DNAH1: variants seen among roughly 807,000 people sequenced by gnomAD.
DNAH1 encodes the protein axonemal beta dynein heavy chain 1.
In DNAH1, 327 loss-of-function variants were observed where a neutral mutation model predicts 484.3. The ratio of observed to expected loss-of-function variants is 0.68; its 90% CI spans 0.62 to 0.74. The LOEUF (loss-of-function observed/expected upper bound fraction) is 0.74, where lower values mean the gene tolerates loss of function less well. Ranked by LOEUF, DNAH1 falls within the 30% of genes least tolerant of loss-of-function variation. DNAH1 has a pLI of 0.00. For missense variants in DNAH1, 5,052 were observed against 5,546.8 expected (o/e 0.91, Z 2.83); for synonymous variants, 2,192 against 2,191.9 (o/e 1.00, Z 0.00).
rs1704719782 is a variant in DNAH1, at chr3:52,398,080, A to G, written c.12007A>G (p.Ile4003Val). 2 of 1,613,966 alleles carry G rather than the reference A, an allele frequency of 1.2e-6. No individual in the cohort carries two copies. The highest frequency in any genetic ancestry group is 8.5e-7 in the Non-Finnish European group (1 of 1,179,888). ...CATTCTGCTCAAGGTGCCTGAGCCTATCAACTTGCAATGGGTGATGGCCAA... is the reference window on the plus strand; with the variant it reads ...CATTCTGCTCAAGGTGCCTGAGCCTGTCAACTTGCAATGGGTGATGGCCAA... ...QNILLKVPEPINLQWVMAKYP... is the reference protein window; with the variant it reads ...QNILLKVPEPVNLQWVMAKYP... Residue 4003 changes from isoleucine to valine, a missense_variant, in exon 75 of 78, where the codon ATC (isoleucine) becomes GTC (valine). By Grantham distance (29) the Ile-to-Val change is conservative. Transcript: ENST00000420323.
rs1451526345 is a variant in DNAH1, at chr3:52,360,037, A to C, written c.4529A>C (p.Asn1510Thr). ...GTGGTGAGCAAGCTAATCCAGGAGA[A>C]CGTGGTCAGCGTGAATGACTTCCAG... is the stretch of plus-strand genomic sequence containing the variant. ...KDVVSKLIQE[N>T]VVSVNDFQWI... is the part of the protein sequence containing the mutation. The change falls in exon 27 of 78, where the codon AAC becomes ACC. Residue 1510 changes from asparagine to threonine, a missense_variant. Physicochemically the swap from Asn to Thr is moderately conservative, Grantham distance 65. Coordinates refer to ENST00000420323, the MANE Select transcript of DNAH1 (RefSeq NM_015512.5). The C allele has an allele frequency of 5.0e-6, 8 of 1,613,916 alleles. No individual in the cohort carries two copies. The highest frequency in any genetic ancestry group is 6.8e-6 in the Non-Finnish European group (8 of 1,179,876).
chr3:52,367,734 C>T (rs565420745), intron 36 of DNAH1, among the ~76,000 whole-genome samples: 13 of 152,210 alleles, frequency 8.5e-5, no homozygotes, highest in Admixed American at 4.6e-4. Context: ...CCACCATGCC[C>T]GGCTAATTTT....
At position 52,353,449 on chromosome 3, in the gene DNAH1, AG is replaced by A. The variant is rs1346020090; in HGVS notation, c.3300del (p.Leu1101CysfsTer28). 6.2e-7 allele frequency: 1 copy of A among 1,613,930 alleles called. No homozygotes were observed. Among genetic ancestry groups the A allele is most frequent in the East Asian group, 2.2e-5 (1 of 44,890 alleles). The stretch of plus-strand genomic sequence containing the variant: ...TTCAAACCATACATCCCACTGATCC[AG>A]GGGCTGCGCAACCCTGGCATGCGGA... ...EEFKPYIPLI[Q>X]GLRNPGMRIR... On this transcript the variant is annotated frameshift_variant, in exon 20 of 78. Transcript: ENST00000420323. LOFTEE classifies it high-confidence loss of function. This position sits in a 1 kb window ranked among gnomAD's most constrained non-coding sequence, Gnocchi z 5.0.
Position 52,328,115 on chromosome 3 carries a change from AG to A in DNAH1, c.871+105del, listed in dbSNP as rs1285881081. The A allele has an allele frequency of 5.4e-6, 8 of 1,495,186 alleles. No individual in the cohort carries two copies. In the African/African-American group the frequency reaches 6.9e-5, roughly 13 times the overall value. 92.6% of individuals were successfully genotyped at this position (1,495,186 alleles called of 1,614,324 possible). Reference sequence around the variant, plus strand: ...TGGGACCTGGCAGCCACCGGAGGCGAGGGGTCTTTCAAGACCTCTCAGCTGG... The same window carrying A: ...TGGGACCTGGCAGCCACCGGAGGCGAGGGTCTTTCAAGACCTCTCAGCTGG... On this transcript the variant is annotated intron_variant, in intron 6 of 77. Transcript: ENST00000420323.
chr3:52,372,198 A>T (rs1703373554), intron 42 of DNAH1, 29 bp from the exon 43 acceptor site: 1 of 1,612,858 alleles, frequency 6.2e-7, no homozygotes, highest in African/African-American at 1.3e-5. Flanking sequence ...GGCCCACCGC[A>T]TGCTCCTGTG....
intron 36 of DNAH1, among the ~76,000 whole-genome samples, chr3:52,367,200 G>A (rs959767461): frequency 6.6e-5 from 10 of 152,208 alleles, no homozygotes; most frequent in South Asian, 2.1e-4. Flanking sequence ...GGCCCTCTCC[G>A]GGCCCCTGCT....
At position 52,316,324 on chromosome 3, in the gene DNAH1, G is replaced by T. The variant is rs914606817; in HGVS notation, c.-256G>T. ...GGTGCCTCTCTACAGGCCAAGGGGGGTACCCAACCTATACGCAGACCCATT... is the reference window on the plus strand; with the variant it reads ...GGTGCCTCTCTACAGGCCAAGGGGGTTACCCAACCTATACGCAGACCCATT... On this transcript the variant is annotated 5_prime_UTR_variant, in exon 1 of 78. Transcript: ENST00000420323. 2.6e-5 allele frequency: 4 copies of T among 152,336 alleles called. No individual in the cohort carries two copies. The highest frequency in any genetic ancestry group is 4.4e-5 in the Non-Finnish European group (3 of 68,150). 9.4% of individuals were successfully genotyped at this position (152,336 alleles called of 1,614,324 possible). A position where few individuals can be genotyped will look rare whatever the true frequency, so the allele number is the denominator to read the frequency against.
chr3:52,394,179 G>A (rs1233011101), intron 66 of DNAH1, among the ~76,000 whole-genome samples: 1 of 152,274 alleles, frequency 6.6e-6, no homozygotes, highest in Non-Finnish European at 1.5e-5. Flanking sequence ...CCCTAACTGC[G>A]TGCCTGGCAC....
rs373203216 is a variant in DNAH1 at position 52,323,848 on chromosome 3, G to A, written c.374G>A (p.Arg125Gln). 2.1e-5 allele frequency: 33 copies of A among 1,584,760 alleles called. No homozygotes were observed. In the African/African-American group the frequency reaches 3.0e-4, roughly 14 times the overall value. ...CCCCGAATGAGCCAGAACCTCCTGC[G>A]GCAGGCTGACCTTGACAAGTTCACC... ...RGPRMSQNLL[R>Q]QADLDKFTPR... The change falls in exon 3 of 78, where the codon CGG (arginine) becomes CAG (glutamine). Residue 125 changes from arginine (R) to glutamine (Q), a missense_variant. Coordinates refer to ENST00000420323, the MANE Select transcript of DNAH1 (RefSeq NM_015512.5).
intron 3 of DNAH1, among the ~76,000 whole-genome samples, chr3:52,325,886 A>G (rs1310750844): frequency 6.6e-6 from 1 of 152,150 alleles, no homozygotes; most frequent in African/African-American, 2.4e-5. Flanking sequence ...GGAGTGGTCA[A>G]GCATGCTGGC....
chr3:52,393,539 G>A, intron 66 of DNAH1, 54 bp downstream of exon 66: 1 of 1,603,482 alleles, frequency 6.2e-7, no homozygotes, highest in Middle Eastern at 1.7e-4. Flanking sequence ...CTGTGGCAGG[G>A]CCTGAGAACA....
At chr3:52,373,757 G>A in intron 44 of DNAH1, 2 of 1,406,178 alleles carry the variant, frequency 1.4e-6, no homozygotes, top group Non-Finnish European at 2.0e-6. Flanking sequence ...TAAAGTAGAA[G>A]GAATTAAAAC....
At chr3:52,378,508 G>T in intron 46 of DNAH1, 94 bp from the exon 47 acceptor site, 5 of 1,354,344 alleles carry the variant, frequency 3.7e-6, no homozygotes, top group South Asian at 1.3e-5. Flanking sequence ...CTTGGTGGGG[G>T]GCACAGCACA....
chr3:52,391,771 GCTC>G (rs1440819999), intron 63 of DNAH1, among the ~76,000 whole-genome samples, 168 bp downstream of exon 63: 4 of 152,164 alleles, frequency 2.6e-5, no homozygotes, highest in Non-Finnish European at 4.4e-5. Context: ...ACTTCCACCA[GCTC>G]CTCCTACCCA....
At position 52,347,861 on chromosome 3, in the gene DNAH1, C is replaced by T; in HGVS notation, c.1993C>T (p.Leu665=). The T allele has an allele frequency of 1.2e-6, 2 of 1,602,798 alleles. No homozygotes were observed. The highest frequency in any genetic ancestry group is 1.7e-6 in the Non-Finnish European group (2 of 1,174,516). ...KNPLFIMDLV[L]DSSGVHYSTP... ...TCCCCTGTTCATCATGGACCTGGTG[C>T]TGGACAGCTCTGGGGTGCACTATAG... The change falls in exon 12 of 78, where the codon CTG becomes TTG. Residue 665 remains leucine (L), a synonymous_variant. Transcript: ENST00000420323.
At chr3:52,341,169 G>A in intron 8 of DNAH1, among the ~76,000 whole-genome samples, 1 of 152,180 alleles carries the variant, frequency 6.6e-6, no homozygotes, top group Non-Finnish European at 1.5e-5. Flanking sequence ...TGTACCTGTA[G>A]CAGGAAAACC....
At chr3:52,319,002 C>G (rs1295265513) in intron 1 of DNAH1, among the ~76,000 whole-genome samples, 1 of 152,204 alleles carries the variant, frequency 6.6e-6, no homozygotes, top group Non-Finnish European at 1.5e-5. Context: ...AATCTCAGCA[C>G]CCGGTTGGAG....
In DNAH1 at chr3:52,392,483, C is replaced by G; in HGVS notation, c.10072C>G (p.Leu3358Val). ...LSPSGLEDQL[L>V]GQVVAEERPD... ...CGGCAGTGGCCTAGAGGACCAGCTA[C>G]TGGGCCAGGTAGTGGCAGAGGAGCG... Residue 3358 changes from leucine to valine, a missense_variant, in exon 64 of 78, where the codon CTG (leucine) becomes GTG (valine). This residue lies in a region of DNAH1 where 2,929 missense variants were observed against 3,409.4 expected (regional missense o/e 0.86). Coordinates refer to ENST00000420323, the MANE Select transcript of DNAH1 (RefSeq NM_015512.5). 3 of 1,613,798 alleles carry G rather than the reference C, an allele frequency of 1.9e-6. No individual in the cohort carries two copies. The highest frequency in any genetic ancestry group is 2.5e-6 in the Non-Finnish European group (3 of 1,179,872).
chr3:52,362,392 A>G lies in DNAH1; in HGVS notation c.4985A>G (p.Glu1662Gly), dbSNP rs1301367002. Residue 1662 changes from glutamate (E) to glycine (G), a missense_variant, in exon 31 of 78, where the codon GAA (glutamate) becomes GGA (glycine). Glu to Gly is a moderately conservative substitution (Grantham distance 98). Around this residue, in one of 4 missense-constraint regions of DNAH1, gnomAD observed 2,929 missense variants for 3,409.4 expected, o/e 0.86. Coordinates refer to ENST00000420323, the MANE Select transcript of DNAH1 (RefSeq NM_015512.5). The surrounding 1 kb of genome is among the most constrained non-coding windows in gnomAD (Gnocchi z 5.1). ...GTCAGCCTCTCCCCACTGCAGGTGGAACGCTTCATGTTTGAGGGTGTGGAG... is the reference window on the plus strand; with the variant it reads ...GTCAGCCTCTCCCCACTGCAGGTGGGACGCTTCATGTTTGAGGGTGTGGAG... Reference protein sequence around the residue: ...TIQKAQQQRVERFMFEGVEIP... With the variant: ...TIQKAQQQRVGRFMFEGVEIP... 23 of 1,613,448 alleles carry G rather than the reference A, an allele frequency of 1.4e-5. No individual in the cohort carries two copies. The highest frequency in any genetic ancestry group is 1.7e-4 in the Middle Eastern group (1 of 6,026).
Sources: gnomAD v4.1 joint callset for allele counts (sites outside exome capture counted in the v4.1 genomes callset) on GRCh38, gnomAD v4.1.1 for gene constraint, gnomAD v4.1.1 regional missense constraint, Gnocchi (gnomAD v3.1) non-coding constraint, MANE v1.5 for transcripts, NCBI Gene and HGNC (gene_info 2026-07-23, HGNC 2026-07-21) for gene names.